The following FREM1 variants were observed in gnomAD, a reference collection of about 807,000 sequenced individuals.
FREM1 encodes FRAS1 related extracellular matrix 1.
Under a neutral mutation model 210.1 loss-of-function variants are expected in FREM1, and 220 were observed. The observed-to-expected ratio is 1.05, with a 90% CI of 0.94 to 1.17. The LOEUF is 1.17. Among genes scored for constraint, FREM1 ranks in the 50% most tolerant of loss-of-function variants. The pLI, the probability that FREM1 is intolerant of heterozygous loss-of-function variation, is 0.00. For synonymous variants in FREM1, 1,189 were observed against 980.2 expected, an observed-to-expected ratio of 1.21 and a Z score of -3.98; for missense variants, 3,454 against 2,675.5, an observed-to-expected ratio of 1.29 and a Z score of -6.42.
chr9:14,807,090 T>A (rs78669230), intron 17 of FREM1, among the ~76,000 whole-genome samples: 2,723 of 152,292 alleles, frequency 0.018, 77 homozygotes, highest in African/African-American at 0.063. Context: ...AGTCAGAAGA[T>A]AACAGAAAGC....
chr9:14,821,702 G>A (rs1375557722), intron 13 of FREM1, among the ~76,000 whole-genome samples: 1 of 152,218 alleles, frequency 6.6e-6, no homozygotes, highest in Non-Finnish European at 1.5e-5. Flanking sequence ...AGGTGTGGGA[G>A]GTCAGGCCAG....
In FREM1 at chr9:14,828,260, G is replaced by C. The variant is rs148725495; in HGVS notation, c.1882-3268C>G. Among the ~76,000 whole-genome samples the C allele has an allele frequency of 4.3e-3, 660 of 152,334 alleles. 4 individuals carry two copies. Among genetic ancestry groups the C allele is most frequent in the African/African-American group, 0.013 (537 of 41,584 alleles). On this transcript the variant is annotated intron_variant, in intron 10 of 36. Transcript: ENST00000380880. ...CCCAATCCTAGCCTCAGCATGTCCA[G>C]AAGGCAGGACACAGAGTCAAAGAAG...
rs1820874877 is a variant in FREM1, at chr9:14,819,421, C to CT, written c.2358dup (p.Val787SerfsTer3). The CT allele has an allele frequency of 3.1e-6, 5 of 1,611,572 alleles. No homozygotes were observed. The highest frequency in any genetic ancestry group is 4.2e-6 in the Non-Finnish European group (5 of 1,178,054). On this transcript the variant is annotated frameshift_variant, in exon 14 of 37. Coordinates refer to ENST00000380880, the MANE Select transcript of FREM1 (RefSeq NM_001379081.2). LOFTEE classifies it high-confidence loss of function. ...ATGATGCTTTGACCTCCCTCAGTCA[C>CT]TTTCAGAGGGTTGGTGAACGCCTAG...
intron 2 of FREM1, among the ~76,000 whole-genome samples, chr9:14,866,591 G>C (rs1831563945): frequency 6.6e-6 from 1 of 152,178 alleles, no homozygotes; most frequent in Admixed American, 6.5e-5. Flanking sequence ...CAAACTGGAA[G>C]ACAGCTTAGA....
intron 4 of FREM1, among the ~76,000 whole-genome samples, chr9:14,858,103 C>T (rs1313510578): frequency 6.6e-6 from 1 of 152,130 alleles, no homozygotes; most frequent in Non-Finnish European, 1.5e-5. Context: ...AATCAGCTTC[C>T]ATGTCTCTAT....
intron 5 of FREM1, among the ~76,000 whole-genome samples, chr9:14,851,905 G>A (rs1209684031): frequency 6.6e-6 from 1 of 152,304 alleles, no homozygotes; most frequent in South Asian, 2.1e-4. Context: ...TTTGGCATCA[G>A]AAGGAACTGT....
chr9:14,779,813 G>A (rs537067085), intron 24 of FREM1, among the ~76,000 whole-genome samples: 1 of 152,344 alleles, frequency 6.6e-6, no homozygotes, highest in South Asian at 2.1e-4. Flanking sequence ...CAAGGCAGCT[G>A]TCAGTGCTGA....
At chr9:14,833,361 A>C (rs563494557) in intron 10 of FREM1, among the ~76,000 whole-genome samples, 10 of 152,248 alleles carry the variant, frequency 6.6e-5, no homozygotes, top group Admixed American at 5.2e-4. Flanking sequence ...TCTTTGTTTT[A>C]GACTACAGCC....
At position 14,861,042 on chromosome 9, in the gene FREM1, TATAC is replaced by T. The variant is rs1479894819; in HGVS notation, c.330-1562_330-1559del. Among the ~76,000 whole-genome samples the T allele has an allele frequency of 2.0e-4, 15 of 75,224 alleles. 1 individual carries two copies. The highest frequency in any genetic ancestry group is 9.1e-4 in the African/African-American group (13 of 14,234). The allele number at this position is 75,224 out of a possible 152,430, so 49.3% of individuals were successfully genotyped here. ...ATACACATATATACATATATACATA[TATAC>T]ATATATACATATATACACATATACA... On this transcript the variant is annotated intron_variant, in intron 3 of 36. Coordinates refer to ENST00000380880, the MANE Select transcript of FREM1 (RefSeq NM_001379081.2).
At chr9:14,876,655 C>G (rs1263293965) in intron 1 of FREM1, among the ~76,000 whole-genome samples, 1 of 152,166 alleles carries the variant, frequency 6.6e-6, no homozygotes, top group Non-Finnish European at 1.5e-5. Context: ...CCTCACCCTG[C>G]TTCGGCTCAA....
intron 22 of FREM1, among the ~76,000 whole-genome samples, chr9:14,790,196 G>C (rs953071926): frequency 6.6e-6 from 1 of 152,158 alleles, no homozygotes; most frequent in East Asian, 1.9e-4. Flanking sequence ...ATGTCAGATA[G>C]AATACAGACT....
chr9:14,761,943 C>T (rs1012886634), intron 27 of FREM1, among the ~76,000 whole-genome samples: 1 of 152,186 alleles, frequency 6.6e-6, no homozygotes, highest in African/African-American at 2.4e-5. Flanking sequence ...TAATCTCTTA[C>T]TGTGCCTAGC....
chr9:14,742,681 G>C (rs1429292825), intron 35 of FREM1, among the ~76,000 whole-genome samples: 1 of 152,080 alleles, frequency 6.6e-6, no homozygotes, highest in African/African-American at 2.4e-5. Context: ...TCATACCTTA[G>C]GTTCGCCTTG....
chr9:14,750,336 G>C, intron 29 of FREM1, 60 bp from the exon 30 acceptor site: 3 of 1,344,798 alleles, frequency 2.2e-6, no homozygotes, highest in Non-Finnish European at 3.1e-6. Flanking sequence ...CTAGGTGTCA[G>C]AGAAATATAT....
chr9:14,746,335 T>C lies in FREM1; in HGVS notation c.6254+18A>G. 1 of 1,532,532 alleles carries C rather than the reference T, an allele frequency of 6.5e-7. No homozygotes were observed. Among genetic ancestry groups the C allele is most frequent in the Non-Finnish European group, 9.0e-7 (1 of 1,107,478 alleles). 94.9% of individuals were successfully genotyped at this position (1,532,532 alleles called of 1,614,324 possible). On this transcript the variant is annotated intron_variant, in intron 35 of 36. Transcript: ENST00000380880. The stretch of plus-strand genomic sequence containing the variant: ...GAGAAAAGAAAACACCAATCAAATG[T>C]GCAATAGGGTGCCTTACTGTTCCCT...
intron 1 of FREM1, among the ~76,000 whole-genome samples, chr9:14,909,535 T>C (rs946951208): frequency 1.3e-5 from 2 of 152,254 alleles, no homozygotes; most frequent in African/African-American, 4.8e-5. Context: ...ATGAGGATAT[T>C]ATCTGTTCTG....
intron 10 of FREM1, among the ~76,000 whole-genome samples, chr9:14,833,673 T>G (rs1400549457): frequency 6.6e-6 from 1 of 152,232 alleles, no homozygotes; most frequent in Non-Finnish European, 1.5e-5. Flanking sequence ...AACAAGGGAT[T>G]TAAAAGGATT....
chr9:14,801,565 G>T, intron 20 of FREM1, 87 bp downstream of exon 20: 1 of 908,864 alleles, frequency 1.1e-6, no homozygotes, highest in Non-Finnish European at 1.7e-6. Context: ...GCTTATATTA[G>T]TTTGACCTTT....
Position 14,784,480 on chromosome 9 carries a change from A to G in FREM1, c.4332T>C (p.Tyr1444=). The G allele has an allele frequency of 6.2e-7, 1 of 1,613,922 alleles. No individual in the cohort carries two copies. The highest frequency in any genetic ancestry group is 1.1e-5 in the South Asian group (1 of 91,070). ...TSPPRYGQIE[Y]VHYPGVPITN... is the part of the protein sequence containing the mutation. ...TAATGGGAACTCCAGGATAGTGAACATATTCGATCTGGCCATATCGCGGAG... is the reference window on the plus strand; with the variant it reads ...TAATGGGAACTCCAGGATAGTGAACGTATTCGATCTGGCCATATCGCGGAG... Residue 1444 remains tyrosine, a synonymous_variant, in exon 24 of 37, where the codon TAT becomes TAC. Coordinates refer to ENST00000380880, the MANE Select transcript of FREM1 (RefSeq NM_001379081.2).
Sources: allele counts gnomAD v4.1 joint callset (sites outside exome capture counted in the v4.1 genomes callset), GRCh38; gene constraint gnomAD v4.1.1; transcripts MANE v1.5; gene names NCBI Gene and HGNC (gene_info 2026-07-23, HGNC 2026-07-21).